Variants in STK17A observed in about 807,000 individuals in gnomAD.
STK17A encodes the protein serine/threonine kinase 17a, also known as serine/threonine-protein kinase 17A.
STK17A carries 26 observed loss-of-function variants against 43.7 expected under a neutral mutation model. That is an observed-to-expected ratio of 0.60 (90% confidence interval 0.44 to 0.83). The LOEUF is 0.83. Ranked by LOEUF, STK17A falls within the 40% of genes least tolerant of loss-of-function variation. The pLI, the probability that STK17A is intolerant of heterozygous loss-of-function variation, is 0.00. For missense variants in STK17A, 476 were observed against 511.6 expected (o/e 0.93, Z 0.67); for synonymous variants, 191 against 182.5 (o/e 1.05, Z -0.38).
intron 2 of STK17A, 98 bp downstream of exon 2, chr7:43,596,211 T>C: frequency 8.8e-7 from 1 of 1,134,766 alleles, no homozygotes; most frequent in Non-Finnish European, 1.2e-6. Flanking sequence ...CCTGGTTCTC[T>C]GGAAATCTCA....
intron 1 of STK17A, among the ~76,000 whole-genome samples, chr7:43,587,154 G>GTT (rs71011929): frequency 0.012 from 1,352 of 112,064 alleles, 78 homozygotes; most frequent in Middle Eastern, 0.019. Flanking sequence ...ATTGTTTTTT[G>GTT]TTTTTTTTTT....
rs142245001 is a variant in STK17A at position 43,605,395 on chromosome 7, G to A, written c.420-2861G>A. On this transcript the variant is annotated intron_variant, in intron 2 of 6. Coordinates refer to ENST00000319357, the MANE Select transcript of STK17A (RefSeq NM_004760.3). Reference sequence around the variant, plus strand: ...TATAAAGGATGGCCCTCCCAAAGAAGTCTGTTCGTTGCCCCAGTGTTTAGA... The same window carrying A: ...TATAAAGGATGGCCCTCCCAAAGAAATCTGTTCGTTGCCCCAGTGTTTAGA... Among the ~76,000 whole-genome samples the A allele has an allele frequency of 7.1e-3, 1,086 of 152,298 alleles. 10 individuals carry two copies. Among genetic ancestry groups the A allele is most frequent in the African/African-American group, 0.025 (1,029 of 41,570 alleles).
At chr7:43,594,264 G>A (rs1271876089) in intron 1 of STK17A, among the ~76,000 whole-genome samples, 2 of 146,834 alleles carry the variant, frequency 1.4e-5, no homozygotes, top group African/African-American at 2.5e-5. Flanking sequence ...TCTCTTAAAG[G>A]AAAAAAAAAA....
chr7:43,619,874 A>ATGGAAAAC lies in STK17A; in HGVS notation c.691+152_691+159dup, dbSNP rs2083701111. The ATGGAAAAC allele has an allele frequency of 3.7e-5, 41 of 1,098,884 alleles. No individual in the cohort carries two copies. The South Asian group carries it at 6.8e-4, about 18-fold the overall frequency. The allele number at this position is 1,098,884 out of a possible 1,614,324, so 68.1% of individuals were successfully genotyped here. Reference sequence around the variant, plus strand: ...CTATTCCTTTGGATTACATTTTACAATGGAAAACGTTCAAGAGTAAGATAC... The same window carrying ATGGAAAAC: ...CTATTCCTTTGGATTACATTTTACAATGGAAAACTGGAAAACGTTCAAGAGTAAGATAC... On this transcript the variant is annotated intron_variant, in intron 4 of 6. Transcript: ENST00000319357.
At chr7:43,595,420 G>A (rs779758709) in intron 1 of STK17A, among the ~76,000 whole-genome samples, 1 of 152,020 alleles carries the variant, frequency 6.6e-6, no homozygotes, top group Non-Finnish European at 1.5e-5. Context: ...TGGGATTACA[G>A]GCATAGCACT....
chr7:43,603,447 T>A (rs2082568795), intron 2 of STK17A, among the ~76,000 whole-genome samples: 1 of 152,160 alleles, frequency 6.6e-6, no homozygotes, highest in Non-Finnish European at 1.5e-5. Flanking sequence ...GTACTGATCA[T>A]ATAAAAAGTG....
At chr7:43,601,177 C>T (rs964969204) in intron 2 of STK17A, among the ~76,000 whole-genome samples, 7 of 152,152 alleles carry the variant, frequency 4.6e-5, no homozygotes, top group East Asian at 1.9e-4. Flanking sequence ...AAGTTTATAG[C>T]GGGTGAAGTC....
At chr7:43,620,783 A>G (rs1006560706) in intron 4 of STK17A, among the ~76,000 whole-genome samples, 1 of 152,232 alleles carries the variant, frequency 6.6e-6, no homozygotes, top group Admixed American at 6.5e-5. Flanking sequence ...AGACCAGGAA[A>G]TCAAGAAGCT....
intron 1 of STK17A, among the ~76,000 whole-genome samples, chr7:43,594,039 C>T (rs1317520824): frequency 1.3e-5 from 2 of 152,056 alleles, no homozygotes; most frequent in African/African-American, 2.4e-5. Flanking sequence ...ATCGATTATA[C>T]CTGGATTAGT....
chr7:43,611,470 G>A (rs1178313476), intron 3 of STK17A, among the ~76,000 whole-genome samples: 1 of 152,100 alleles, frequency 6.6e-6, no homozygotes, highest in African/African-American at 2.4e-5. Flanking sequence ...ACACCCACAC[G>A]CTGAGGTGGC....
chr7:43,602,556 T>G (rs1010906275), intron 2 of STK17A, among the ~76,000 whole-genome samples: 2 of 152,242 alleles, frequency 1.3e-5, no homozygotes, highest in African/African-American at 2.4e-5. Flanking sequence ...CTTTGAACAC[T>G]TGATATTATC....
rs530379514 is a variant in STK17A, at chr7:43,614,266, C to A, written c.565-5331C>A. Among the ~76,000 whole-genome samples the A allele has an allele frequency of 1.1e-3, 169 of 152,324 alleles. 1 individual carries two copies. Among genetic ancestry groups the A allele is most frequent in the Middle Eastern group, 6.8e-3 (2 of 294 alleles). ...CTTCCCTACAGCCACCATCTATTTA[C>A]GGACCGTCTGCAGGTTTTCTGCCTA... is the stretch of plus-strand genomic sequence containing the variant. On this transcript the variant is annotated intron_variant, in intron 3 of 6. Coordinates refer to ENST00000319357, the MANE Select transcript of STK17A (RefSeq NM_004760.3).
chr7:43,609,301 C>G (rs1466052856), intron 3 of STK17A: 1 of 152,266 alleles, frequency 6.6e-6, no homozygotes, highest in African/African-American at 2.4e-5. Context: ...TTCTGAGATT[C>G]ACTCTGATTA....
At position 43,615,960 on chromosome 7, in the gene STK17A, C is replaced by T. The variant is rs144511817; in HGVS notation, c.565-3637C>T. Among the ~76,000 whole-genome samples, 64 of 152,290 alleles carry T rather than the reference C, an allele frequency of 4.2e-4. 1 individual carries two copies. Among genetic ancestry groups the T allele is most frequent in the Admixed American group, 4.0e-3 (61 of 15,302 alleles). On this transcript the variant is annotated intron_variant, in intron 3 of 6. Coordinates refer to ENST00000319357, the MANE Select transcript of STK17A (RefSeq NM_004760.3). ...TGCACACACCCCAAGCAACCACTCTCGCCCATCACCCTGCTTTGAGTTCCC... is the reference window on the plus strand; with the variant it reads ...TGCACACACCCCAAGCAACCACTCTTGCCCATCACCCTGCTTTGAGTTCCC...
chr7:43,615,612 C>T (rs10215478), intron 3 of STK17A, among the ~76,000 whole-genome samples: 40,471 of 151,974 alleles, frequency 0.27, 6,090 homozygotes, highest in Non-Finnish European at 0.33. Flanking sequence ...ACAAAGAAAA[C>T]GTGGCCTGCC....
At chr7:43,588,584 T>TA (rs2082459060) in intron 1 of STK17A, among the ~76,000 whole-genome samples, 1 of 151,502 alleles carries the variant, frequency 6.6e-6, no homozygotes, top group Non-Finnish European at 1.5e-5. Context: ...CTCACACCTG[T>TA]AATCCCAGCA....
intron 2 of STK17A, among the ~76,000 whole-genome samples, chr7:43,606,871 A>C (rs1206975019): frequency 1.3e-5 from 2 of 149,656 alleles, no homozygotes; most frequent in South Asian, 2.1e-4. Flanking sequence ...TTTTGAGAGG[A>C]ATGAATGTCA....
Position 43,583,188 on chromosome 7 carries a change from A to AC in STK17A, c.-53dup. On this transcript the variant is annotated 5_prime_UTR_variant, in exon 1 of 7. Transcript: ENST00000319357. Reference sequence around the variant, plus strand: ...ACTAGGAGCCGGGGGCGGGTCCGTGACCCTCCGGCTGCTCGGAGTGAACAG... The same window carrying AC: ...ACTAGGAGCCGGGGGCGGGTCCGTGACCCCTCCGGCTGCTCGGAGTGAACAG... The AC allele has an allele frequency of 1.3e-6, 2 of 1,531,640 alleles. No homozygotes were observed. Among genetic ancestry groups the AC allele is most frequent in the South Asian group, 1.2e-5 (1 of 84,114 alleles). The allele number at this position is 1,531,640 out of a possible 1,614,324, so 94.9% of individuals were successfully genotyped here.
chr7:43,622,386 TAGATA>T (rs2083990431), intron 4 of STK17A: 1 of 152,234 alleles, frequency 6.6e-6, no homozygotes, highest in African/African-American at 2.4e-5. Flanking sequence ...AAATGAGTAG[TAGATA>T]CATGACCTTG....
Sources: allele counts gnomAD v4.1 joint callset (sites outside exome capture counted in the v4.1 genomes callset), GRCh38; gene constraint gnomAD v4.1.1; transcripts MANE v1.5; gene names NCBI Gene and HGNC (gene_info 2026-07-23, HGNC 2026-07-21).